The following SPAG16 variants were observed in gnomAD, a reference collection of about 807,000 sequenced individuals.
SPAG16 encodes sperm associated antigen 16, also known as sperm-associated antigen 16 protein.
In SPAG16, 86 loss-of-function variants were observed where a neutral mutation model predicts 80.4. The ratio of observed to expected loss-of-function variants is 1.07; its 90% CI spans 0.90 to 1.28. SPAG16 has a LOEUF of 1.28. SPAG16 is among the 50% of genes most tolerant of loss of function. The pLI is 0.00. For synonymous variants in SPAG16, 294 were observed against 265.9 expected, an observed-to-expected ratio of 1.11 and a Z score of -1.03; for missense variants, 870 against 765.3, an observed-to-expected ratio of 1.14 and a Z score of -1.61.
At chr2:213,824,315 C>G (rs969901500) in intron 10 of SPAG16, among the ~76,000 whole-genome samples, 1 of 152,162 alleles carries the variant, frequency 6.6e-6, no homozygotes, top group African/African-American at 2.4e-5. Context: ...ACATCTTTGC[C>G]CAATGCAATG....
In SPAG16 at chr2:214,126,049, TC is replaced by T. The variant is rs1559823144; in HGVS notation, c.1593+17790del. ...TTCCTTCCTTCCTTCCTTCCTTCCT[TC>T]CTTCCTTCCTTTTTTTTTTTTTTTT... On this transcript the variant is annotated intron_variant, in intron 14 of 15. Transcript: ENST00000331683. Among the ~76,000 whole-genome samples the T allele has an allele frequency of 5.6e-4, 16 of 28,760 alleles. 1 individual carries two copies. The highest frequency in any genetic ancestry group is 1.1e-3 in the South Asian group (1 of 906). 18.9% of individuals were successfully genotyped at this position (28,760 alleles called of 152,430 possible).
intron 10 of SPAG16, among the ~76,000 whole-genome samples, chr2:213,741,092 G>A (rs1203514697): frequency 6.6e-6 from 1 of 151,930 alleles, no homozygotes; most frequent in Non-Finnish European, 1.5e-5. Flanking sequence ...ACAACTAAAA[G>A]AAATTAAAAT....
chr2:213,372,138 AAATT>A (rs988369250), intron 8 of SPAG16, among the ~76,000 whole-genome samples: 44 of 152,122 alleles, frequency 2.9e-4, no homozygotes, highest in South Asian at 1.5e-3. Context: ...TTTTTTTTTC[AAATT>A]AATTTCAAAA....
intron 10 of SPAG16, among the ~76,000 whole-genome samples, chr2:213,661,460 T>C (rs1000038872): frequency 2.6e-5 from 4 of 152,232 alleles, no homozygotes; most frequent in Non-Finnish European, 5.9e-5. Flanking sequence ...TGTATTTTTC[T>C]AATATGAATG....
chr2:213,352,154 T>C (rs2065365660), intron 7 of SPAG16, among the ~76,000 whole-genome samples: 1 of 151,374 alleles, frequency 6.6e-6, no homozygotes, highest in Non-Finnish European at 1.5e-5. Flanking sequence ...ATTAAACCTC[T>C]AGTCTTTTTT....
intron 12 of SPAG16, among the ~76,000 whole-genome samples, chr2:213,939,938 G>C (rs999188663): frequency 3.9e-5 from 6 of 152,114 alleles, no homozygotes; most frequent in Middle Eastern, 3.2e-3. Context: ...TCCAAAAATA[G>C]TGTTTTCTTC....
chr2:213,814,040 G>A (rs1424309332), intron 10 of SPAG16, among the ~76,000 whole-genome samples: 1 of 152,058 alleles, frequency 6.6e-6, no homozygotes, highest in Non-Finnish European at 1.5e-5. Flanking sequence ...AGATCGGTAG[G>A]GTGAGAGAGA....
chr2:214,151,985 G>T (rs1338699690), intron 15 of SPAG16, among the ~76,000 whole-genome samples: 2 of 152,154 alleles, frequency 1.3e-5, no homozygotes, highest in Non-Finnish European at 2.9e-5. Flanking sequence ...ATTTAAGGGT[G>T]TCTCAAGGTT....
At chr2:213,357,674 G>A (rs1226485960) in intron 7 of SPAG16, among the ~76,000 whole-genome samples, 1 of 152,148 alleles carries the variant, frequency 6.6e-6, no homozygotes, top group African/African-American at 2.4e-5. Context: ...TGGGTCTCCT[G>A]AATACAGCAC....
chr2:214,009,132 T>C (rs2047170009), intron 12 of SPAG16, among the ~76,000 whole-genome samples: 1 of 152,148 alleles, frequency 6.6e-6, no homozygotes, highest in South Asian at 2.1e-4. Context: ...TTGTGGAATC[T>C]TACTCTATGA....
intron 10 of SPAG16, among the ~76,000 whole-genome samples, chr2:213,547,008 A>G (rs1313375884): frequency 6.6e-6 from 1 of 152,154 alleles, no homozygotes; most frequent in Non-Finnish European, 1.5e-5. Flanking sequence ...ACCTGAGGCT[A>G]ATAGAAATAG....
At chr2:213,764,442 A>T (rs2068825556) in intron 10 of SPAG16, among the ~76,000 whole-genome samples, 1 of 152,208 alleles carries the variant, frequency 6.6e-6, no homozygotes, top group Admixed American at 6.5e-5. Flanking sequence ...AAAGACAATA[A>T]ATAGGCAGTG....
chr2:213,863,266 C>A (rs766580771), intron 11 of SPAG16, among the ~76,000 whole-genome samples: 17 of 152,112 alleles, frequency 1.1e-4, no homozygotes, highest in South Asian at 2.1e-4. Flanking sequence ...CTTCTTGGAT[C>A]TGCTTCGTTC....
intron 10 of SPAG16, among the ~76,000 whole-genome samples, chr2:213,596,873 C>G (rs940309056): frequency 9.2e-5 from 14 of 152,072 alleles, no homozygotes; most frequent in African/African-American, 3.1e-4. Context: ...TGACCCCCTC[C>G]TAGTTTTTTT....
intron 10 of SPAG16, among the ~76,000 whole-genome samples, chr2:213,670,922 G>A (rs1559361337): frequency 6.6e-6 from 1 of 152,172 alleles, no homozygotes. Flanking sequence ...TAAGCCAAAA[G>A]AGGTCAGACT....
intron 10 of SPAG16, among the ~76,000 whole-genome samples, chr2:213,534,616 A>T (rs753431303): frequency 1.3e-5 from 2 of 152,154 alleles, no homozygotes; most frequent in African/African-American, 4.8e-5. Flanking sequence ...ACTCATTGAA[A>T]GAAGCAAGAC....
At chr2:213,404,720 A>G (rs544738403) in intron 9 of SPAG16, among the ~76,000 whole-genome samples, 1 of 152,300 alleles carries the variant, frequency 6.6e-6, no homozygotes, top group Admixed American at 6.5e-5. Flanking sequence ...GATCTAATTA[A>G]ATTTATTTAT....
At chr2:214,389,070 G>A (rs114947335) in intron 15 of SPAG16, among the ~76,000 whole-genome samples, 1,836 of 152,128 alleles carry the variant, frequency 0.012, 38 homozygotes, top group African/African-American at 0.042. Flanking sequence ...GAAATCAAGA[G>A]AAATATTTCT....
chr2:213,537,514 A>T (rs1173816302), intron 10 of SPAG16, among the ~76,000 whole-genome samples: 3 of 152,006 alleles, frequency 2.0e-5, no homozygotes, highest in Non-Finnish European at 4.4e-5. Context: ...CTGGTAGTGG[A>T]ATTCTGCTCT....
Sources: gnomAD v4.1 joint callset for allele counts (sites outside exome capture counted in the v4.1 genomes callset) on GRCh38, gnomAD v4.1.1 for gene constraint, MANE v1.5 for transcripts, NCBI Gene and HGNC (gene_info 2026-07-23, HGNC 2026-07-21) for gene names.